Variants in NRXN1 observed in about 807,000 individuals in gnomAD.
The protein encoded by NRXN1 is neurexin-1.
Under a neutral mutation model 150.9 loss-of-function variants are expected in NRXN1, and 39 were observed. That is an observed-to-expected ratio of 0.26 (90% CI 0.20 to 0.34). The LOEUF (loss-of-function observed/expected upper bound fraction) is 0.34, where lower values mean the gene tolerates loss of function less well. Among genes scored for constraint, NRXN1 ranks in the 10% least tolerant of loss-of-function variants. The pLI, the probability that NRXN1 is intolerant of heterozygous loss-of-function variation, is 1.00. For synonymous variants in NRXN1, 924 were observed against 757.0 expected (o/e 1.22, Z -3.62); for missense variants, 1,815 against 1,949.9 (o/e 0.93, Z 1.30).
In NRXN1 at chr2:50,522,719, C is replaced by CCTTTTTTTTTTTTTTT. The variant is rs1323306682; in HGVS notation, c.2374+5905_2374+5906insAAAAAAAAAAAAAAAG. Among the ~76,000 whole-genome samples the CCTTTTTTTTTTTTTTT allele has an allele frequency of 4.5e-4, 39 of 86,598 alleles. 12 individuals carry two copies. The highest frequency in any genetic ancestry group is 4.8e-4 in the African/African-American group (8 of 16,770). The allele number at this position is 86,598 out of a possible 152,430, so 56.8% of individuals were successfully genotyped here. A position where few individuals can be genotyped will look rare whatever the true frequency, so the allele number is the denominator to read the frequency against. ...TTCCATTTATTCATTTATTTTTATT[C>CCTTTTTTTTTTTTTTT]ATTTTTTTTTTTTTTTTTTTTTTTT... On this transcript the variant is annotated intron_variant, in intron 12 of 22. Coordinates refer to ENST00000401669, the MANE Select transcript of NRXN1 (RefSeq NM_001330078.2).
intron 5 of NRXN1, among the ~76,000 whole-genome samples, chr2:50,865,527 A>AC (rs1350686520): frequency 6.7e-6 from 1 of 150,318 alleles, no homozygotes; most frequent in Non-Finnish European, 1.5e-5. Flanking sequence ...GAGTGTATTT[A>AC]CCCATTGGAA....
At chr2:50,885,868 T>G (rs1294903710) in intron 5 of NRXN1, among the ~76,000 whole-genome samples, 1 of 149,508 alleles carries the variant, frequency 6.7e-6, no homozygotes, top group Non-Finnish European at 1.5e-5. Context: ...TACCATTTAA[T>G]GTAGTCCAAA....
At chr2:50,514,737 T>C (rs551865355) in intron 12 of NRXN1, among the ~76,000 whole-genome samples, 53 of 152,314 alleles carry the variant, frequency 3.5e-4, no homozygotes, top group Non-Finnish European at 6.8e-4. Flanking sequence ...AGAGCTATAG[T>C]GTTCAAGACC....
intron 5 of NRXN1, among the ~76,000 whole-genome samples, chr2:50,656,889 GT>G (rs1473226023): frequency 1.3e-5 from 2 of 152,022 alleles, no homozygotes; most frequent in Admixed American, 6.6e-5. Flanking sequence ...AATATCTGCA[GT>G]TTTGATGCCT....
At chr2:50,224,842 TTCTTC>T (rs2064222684) in intron 18 of NRXN1, among the ~76,000 whole-genome samples, 1 of 151,996 alleles carries the variant, frequency 6.6e-6, no homozygotes, top group South Asian at 2.1e-4. Flanking sequence ...TCCTAGTGGA[TTCTTC>T]TCTTCTCATC....
At chr2:50,083,869 AT>A (rs1698350756) in intron 19 of NRXN1, among the ~76,000 whole-genome samples, 1 of 151,918 alleles carries the variant, frequency 6.6e-6, no homozygotes, top group Non-Finnish European at 1.5e-5. Flanking sequence ...TGATTGGTGT[AT>A]TCACAATCCC....
chr2:50,595,201 ACT>A (rs1242417355), intron 8 of NRXN1, among the ~76,000 whole-genome samples: 1 of 151,870 alleles, frequency 6.6e-6, no homozygotes, highest in African/African-American at 2.4e-5. Flanking sequence ...AGTATAAGAC[ACT>A]CGCCCAAGAA....
intron 18 of NRXN1, among the ~76,000 whole-genome samples, chr2:50,195,972 A>G (rs192942692): frequency 3.6e-4 from 55 of 151,636 alleles, no homozygotes; most frequent in Admixed American, 1.9e-3. Context: ...TTTATTTTTT[A>G]ATTTTATTTT....
At chr2:50,522,431 A>G (rs1262449715) in intron 12 of NRXN1, among the ~76,000 whole-genome samples, 2 of 152,174 alleles carry the variant, frequency 1.3e-5, no homozygotes, top group Non-Finnish European at 2.9e-5. Flanking sequence ...GCTTAACGTG[A>G]ATAAATTAAT....
intron 17 of NRXN1, among the ~76,000 whole-genome samples, chr2:50,437,891 TATA>T (rs1451148329): frequency 6.6e-6 from 1 of 152,218 alleles, no homozygotes; most frequent in Non-Finnish European, 1.5e-5. Flanking sequence ...ATGTCCATTC[TATA>T]ACAATCATCA....
At chr2:50,110,348 C>T (rs1702212425) in intron 18 of NRXN1, among the ~76,000 whole-genome samples, 1 of 151,792 alleles carries the variant, frequency 6.6e-6, no homozygotes. Context: ...AAAAAATAGC[C>T]GGGTGTCGTG....
At chr2:50,184,066 T>C (rs561898185) in intron 18 of NRXN1, among the ~76,000 whole-genome samples, 11 of 152,158 alleles carry the variant, frequency 7.2e-5, no homozygotes, top group Non-Finnish European at 1.6e-4. Flanking sequence ...CTGTAAAAAG[T>C]TCGACAGGAA....
intron 18 of NRXN1, among the ~76,000 whole-genome samples, chr2:50,102,517 T>C (rs1337336215): frequency 6.6e-6 from 1 of 152,082 alleles, no homozygotes; most frequent in Non-Finnish European, 1.5e-5. Context: ...TCTGTTAAGT[T>C]CTGGATAAAT....
intron 17 of NRXN1, among the ~76,000 whole-genome samples, chr2:50,414,423 A>G (rs891144184): frequency 3.3e-5 from 5 of 152,180 alleles, no homozygotes; most frequent in East Asian, 1.9e-4. Flanking sequence ...CCCCATAAAT[A>G]TACTCCATAA....
chr2:50,932,651 G>A (rs1327572229), intron 2 of NRXN1, among the ~76,000 whole-genome samples: 2 of 152,022 alleles, frequency 1.3e-5, no homozygotes, highest in Middle Eastern at 3.2e-3. Flanking sequence ...GGTGATGGGT[G>A]CACCAACGTC....
chr2:50,788,985 C>T (rs1399912034), intron 5 of NRXN1, among the ~76,000 whole-genome samples: 1 of 151,942 alleles, frequency 6.6e-6, no homozygotes, highest in African/African-American at 2.4e-5. Context: ...AGTAAGAATG[C>T]AAGGAGCAGG....
intron 5 of NRXN1, among the ~76,000 whole-genome samples, chr2:50,634,574 T>G (rs1182945008): frequency 6.6e-6 from 1 of 152,250 alleles, no homozygotes; most frequent in Non-Finnish European, 1.5e-5. Context: ...CTTTTAACCA[T>G]TAAGTTACTT....
intron 5 of NRXN1, among the ~76,000 whole-genome samples, chr2:50,911,796 T>C (rs999863777): frequency 5.3e-5 from 8 of 151,916 alleles, no homozygotes; most frequent in Admixed American, 4.6e-4. Context: ...AATTTGATTT[T>C]TGTTTTGTCT....
chr2:50,618,114 G>A (rs910411709), intron 8 of NRXN1, among the ~76,000 whole-genome samples: 2 of 152,124 alleles, frequency 1.3e-5, no homozygotes, highest in Non-Finnish European at 2.9e-5. Context: ...GTATAAAGCA[G>A]GATGTAGGGA....
Sources: gnomAD v4.1 joint callset for allele counts (sites outside exome capture counted in the v4.1 genomes callset) on GRCh38, gnomAD v4.1.1 for gene constraint, MANE v1.5 for transcripts, NCBI Gene and HGNC (gene_info 2026-07-23, HGNC 2026-07-21) for gene names.